Variants in BMP6 observed in about 807,000 individuals in gnomAD.
The protein encoded by BMP6 is bone morphogenetic protein 6, also known as VG-1-R.
BMP6 carries 17 observed loss-of-function variants against 54.1 expected under a neutral mutation model. That is an observed-to-expected ratio of 0.31 (90% CI 0.22 to 0.47). The LOEUF (loss-of-function observed/expected upper bound fraction) is 0.47, where lower values mean the gene tolerates loss of function less well. BMP6 is among the 20% of genes least tolerant of loss of function. The probability of loss-of-function intolerance (pLI) is 1.00; values close to 1 mark genes in which losing one functional copy is unlikely to be tolerated. For missense variants in BMP6, 720 were observed against 690.4 expected (o/e 1.04, Z -0.48); for synonymous variants, 328 against 291.2 (o/e 1.13, Z -1.28).
chr6:7,869,075 C>T (rs900860478), intron 4 of BMP6, among the ~76,000 whole-genome samples: 1 of 152,256 alleles, frequency 6.6e-6, no homozygotes. Context: ...AGGCGCACCC[C>T]CCCTGGGAGC....
intron 1 of BMP6, among the ~76,000 whole-genome samples, chr6:7,772,338 G>A (rs1159072966): frequency 1.3e-5 from 2 of 152,168 alleles, no homozygotes; most frequent in African/African-American, 4.8e-5. Context: ...TACCTGTTGG[G>A]ATCTTTTCGT....
intron 1 of BMP6, among the ~76,000 whole-genome samples, chr6:7,800,978 T>G (rs1758261668): frequency 6.6e-6 from 1 of 151,904 alleles, no homozygotes; most frequent in South Asian, 2.1e-4. Context: ...CCATGTGTAC[T>G]TCCATGAGAG....
chr6:7,735,168 G>T (rs80354891), intron 1 of BMP6, among the ~76,000 whole-genome samples: 2 of 152,196 alleles, frequency 1.3e-5, no homozygotes, highest in African/African-American at 2.4e-5. Context: ...ATCCGCCACG[G>T]GCCTTATTAT....
chr6:7,755,531 A>G (rs958487447), intron 1 of BMP6, among the ~76,000 whole-genome samples: 1 of 152,296 alleles, frequency 6.6e-6, no homozygotes, highest in African/African-American at 2.4e-5. Context: ...CAAAGCCCAT[A>G]ATACCCTGTT....
chr6:7,868,534 C>G (rs1001067123), intron 4 of BMP6, among the ~76,000 whole-genome samples: 3 of 152,344 alleles, frequency 2.0e-5, no homozygotes, highest in South Asian at 2.1e-4. Context: ...GCGGCCAGGC[C>G]CATGAAGACA....
intron 1 of BMP6, among the ~76,000 whole-genome samples, chr6:7,836,040 C>T (rs1419286622): frequency 2.0e-5 from 3 of 152,050 alleles, no homozygotes; most frequent in South Asian, 2.1e-4. Flanking sequence ...AAGGTTTCCC[C>T]GTGTTGGCCA....
chr6:7,791,985 AT>A (rs2113184621), intron 1 of BMP6, among the ~76,000 whole-genome samples: 1 of 144,432 alleles, frequency 6.9e-6, no homozygotes, highest in Non-Finnish European at 1.5e-5. Context: ...AACAGGACCA[AT>A]TGGATGGATG....
chr6:7,729,040 C>G (rs944476364), intron 1 of BMP6, among the ~76,000 whole-genome samples: 1 of 152,188 alleles, frequency 6.6e-6, no homozygotes, highest in Non-Finnish European at 1.5e-5. Flanking sequence ...GAAACAGAAT[C>G]TCACAGGAGT....
At chr6:7,793,103 G>A (rs923232338) in intron 1 of BMP6, among the ~76,000 whole-genome samples, 3 of 151,050 alleles carry the variant, frequency 2.0e-5, no homozygotes, top group Middle Eastern at 3.5e-3. Context: ...AAACTCAGTC[G>A]ATTAAGAGTT....
intron 1 of BMP6, among the ~76,000 whole-genome samples, chr6:7,781,073 G>A (rs558763663): frequency 2.0e-5 from 3 of 152,234 alleles, no homozygotes; most frequent in East Asian, 3.9e-4. Context: ...ACAGTGCATC[G>A]TGTTGCTGTC....
At chr6:7,811,724 C>G (rs889151164) in intron 1 of BMP6, among the ~76,000 whole-genome samples, 12 of 152,284 alleles carry the variant, frequency 7.9e-5, no homozygotes, top group African/African-American at 2.9e-4. Context: ...CATTGTCGCT[C>G]TAACATCTTC....
chr6:7,787,520 C>T (rs996298115), intron 1 of BMP6, among the ~76,000 whole-genome samples: 1 of 152,162 alleles, frequency 6.6e-6, no homozygotes, highest in African/African-American at 2.4e-5. Context: ...AAAAAAAGCT[C>T]GAAGAGGAAT....
chr6:7,795,645 C>T (rs1278218368), intron 1 of BMP6, among the ~76,000 whole-genome samples: 1 of 152,110 alleles, frequency 6.6e-6, no homozygotes, highest in East Asian at 1.9e-4. Flanking sequence ...GAAGAGAGTG[C>T]ATGGGATAGA....
At chr6:7,823,386 G>T (rs1758645466) in intron 1 of BMP6, among the ~76,000 whole-genome samples, 1 of 152,144 alleles carries the variant, frequency 6.6e-6, no homozygotes. Flanking sequence ...ATAAATTTGA[G>T]AAGGTTACTC....
chr6:7,845,167 G>A lies in BMP6; in HGVS notation c.692G>A (p.Arg231His), dbSNP rs566660170. The part of the protein sequence containing the change: ...LVEYDKEFSP[R>H]QRHHKEFKFN... Reference sequence around the variant, plus strand: ...GAGTACGACAAGGAGTTCTCCCCTCGTCAGCGACACCACAAAGAGTTCAAG... The same window carrying A: ...GAGTACGACAAGGAGTTCTCCCCTCATCAGCGACACCACAAAGAGTTCAAG... Residue 231 changes from arginine (R) to histidine (H), a missense_variant, in exon 2 of 7, where the codon CGT becomes CAT. Arg to His is a conservative substitution (Grantham distance 29). Coordinates refer to ENST00000283147, the MANE Select transcript of BMP6 (RefSeq NM_001718.6). The A allele has an allele frequency of 3.3e-5, 54 of 1,613,802 alleles. No individual in the cohort carries two copies. Among genetic ancestry groups the A allele is most frequent in the Middle Eastern group, 3.3e-4 (2 of 6,058 alleles).
intron 1 of BMP6, among the ~76,000 whole-genome samples, chr6:7,812,827 C>G (rs1758454607): frequency 6.6e-6 from 1 of 151,576 alleles, no homozygotes; most frequent in African/African-American, 2.4e-5. Context: ...CCGTGGTGAC[C>G]TCACCCACAT....
chr6:7,765,264 GT>G (rs1036607854), intron 1 of BMP6, among the ~76,000 whole-genome samples: 1 of 152,142 alleles, frequency 6.6e-6, no homozygotes, highest in African/African-American at 2.4e-5. Flanking sequence ...GTTTAAATTA[GT>G]TTCCCAGAGA....
intron 1 of BMP6, among the ~76,000 whole-genome samples, chr6:7,754,337 G>C (rs548736221): frequency 6.6e-6 from 1 of 152,238 alleles, no homozygotes; most frequent in East Asian, 1.9e-4. Flanking sequence ...TCAAACTCCT[G>C]AGCTCAAGCG....
intron 1 of BMP6, among the ~76,000 whole-genome samples, chr6:7,801,785 G>A (rs1193492611): frequency 6.6e-6 from 1 of 152,186 alleles, no homozygotes; most frequent in African/African-American, 2.4e-5. Flanking sequence ...GAGACATGGG[G>A]GTGCTGCTCA....
Sources: allele counts gnomAD v4.1 joint callset (sites outside exome capture counted in the v4.1 genomes callset), GRCh38; gene constraint gnomAD v4.1.1; transcripts MANE v1.5; gene names NCBI Gene and HGNC (gene_info 2026-07-23, HGNC 2026-07-21).